The following VPS50 variants were observed in gnomAD, a reference collection of about 807,000 sequenced individuals.
VPS50 encodes the protein VPS50 subunit of EARP/GARPII complex.
VPS50 carries 70 observed loss-of-function variants against 139.7 expected under a neutral mutation model. That is an observed-to-expected ratio of 0.50 (90% CI 0.41 to 0.61). The LOEUF (loss-of-function observed/expected upper bound fraction) is 0.61, where lower values mean the gene tolerates loss of function less well. VPS50 is among the 20% of genes least tolerant of loss of function. VPS50 has a pLI of 0.00. For synonymous variants in VPS50, 365 were observed against 376.7 expected, an observed-to-expected ratio of 0.97 and a Z score of 0.36; for missense variants, 921 against 1,133.7, an observed-to-expected ratio of 0.81 and a Z score of 2.69.
At position 93,271,217 on chromosome 7, in the gene VPS50, T is replaced by C. The variant is rs754289370; in HGVS notation, c.660-3T>C. The stretch of plus-strand genomic sequence containing the variant: ...AAAAAACTGTTTTTTTTTTTTTTAA[T>C]AGTGAACTGAATTCAAAGCTGCAAG... On this transcript the variant is annotated splice_region_variant and splice_polypyrimidine_tract_variant and intron_variant, in intron 9 of 27. Transcript: ENST00000305866. The C allele has an allele frequency of 6.4e-7, 1 of 1,562,648 alleles. No homozygotes were observed. Among genetic ancestry groups the C allele is most frequent in the South Asian group, 1.2e-5 (1 of 81,672 alleles).
At chr7:93,325,685 C>T (rs1222782318) in intron 21 of VPS50, among the ~76,000 whole-genome samples, 1 of 152,038 alleles carries the variant, frequency 6.6e-6, no homozygotes, top group African/African-American at 2.4e-5. Context: ...AGCCAAAAAA[C>T]ACATGAAAAA....
intron 18 of VPS50, 150 bp downstream of exon 18, chr7:93,306,154 T>C (rs2116976036): frequency 3.3e-6 from 2 of 600,998 alleles, no homozygotes; most frequent in Non-Finnish European, 2.9e-6. Flanking sequence ...CATTTATAGA[T>C]GATGACTTTA....
intron 20 of VPS50, among the ~76,000 whole-genome samples, chr7:93,315,384 T>C (rs751570069): frequency 2.6e-5 from 4 of 152,200 alleles, no homozygotes; most frequent in Non-Finnish European, 4.4e-5. Flanking sequence ...TTTGTGTATA[T>C]ACAGATAGAG....
intron 2 of VPS50, 141 bp downstream of exon 2, chr7:93,240,075 T>TA: frequency 1.7e-6 from 1 of 577,272 alleles, no homozygotes; most frequent in Admixed American, 2.9e-5. Context: ...TTTTATTGTA[T>TA]AGTAGGTGTA....
chr7:93,244,030 G>C (rs10488535), intron 2 of VPS50, among the ~76,000 whole-genome samples: 1,985 of 151,624 alleles, frequency 0.013, 106 homozygotes, highest in East Asian at 0.098. Context: ...AATAGTAATG[G>C]GATTCAGCTG....
At chr7:93,316,870 G>GT (rs1797443433) in intron 20 of VPS50, among the ~76,000 whole-genome samples, 1 of 152,214 alleles carries the variant, frequency 6.6e-6, no homozygotes, top group Non-Finnish European at 1.5e-5. Flanking sequence ...CAAAAGGTTA[G>GT]TGGATGAGTT....
rs149844498 is a variant in VPS50 at position 93,342,017 on chromosome 7, C to T, written c.2207+442C>T. On this transcript the variant is annotated intron_variant, in intron 23 of 27. Coordinates refer to ENST00000305866, the MANE Select transcript of VPS50 (RefSeq NM_017667.4). ...AACAGCTCCAGTCTGCAGCTCCCAG[C>T]GTGAACGACACAGAAGACGGGTGAT... Among the ~76,000 whole-genome samples, 180 of 152,296 alleles carry T rather than the reference C, an allele frequency of 1.2e-3. 4 individuals are homozygous for T. In the East Asian group the frequency reaches 0.029, roughly 25 times the overall value.
intron 11 of VPS50, among the ~76,000 whole-genome samples, chr7:93,274,791 C>G (rs1327519126): frequency 2.0e-5 from 3 of 152,090 alleles, no homozygotes; most frequent in Non-Finnish European, 4.4e-5. Flanking sequence ...TGAAAAGCGT[C>G]TGGATTTACC....
chr7:93,294,391 C>G (rs1584437401), intron 13 of VPS50, among the ~76,000 whole-genome samples, 154 bp from the exon 14 acceptor site: 1 of 152,140 alleles, frequency 6.6e-6, no homozygotes, highest in African/African-American at 2.4e-5. Context: ...AGTCTAATAC[C>G]TATTGTTTGA....
At chr7:93,275,265 A>T (rs1290912631) in intron 11 of VPS50, among the ~76,000 whole-genome samples, 1 of 152,200 alleles carries the variant, frequency 6.6e-6, no homozygotes, top group African/African-American at 2.4e-5. Context: ...GTCTGAGAGG[A>T]TTGACTGTAG....
At chr7:93,287,924 G>T (rs1056015802) in intron 12 of VPS50, among the ~76,000 whole-genome samples, 8 of 152,084 alleles carry the variant, frequency 5.3e-5, no homozygotes, top group Non-Finnish European at 1.2e-4. Flanking sequence ...GTATTAGTCT[G>T]TTCTCACGCT....
chr7:93,328,470 C>T (rs918671523), intron 21 of VPS50, among the ~76,000 whole-genome samples: 5 of 151,982 alleles, frequency 3.3e-5, no homozygotes, highest in Admixed American at 6.6e-5. Context: ...CTTCCAATTC[C>T]GGGTATGACA....
intron 20 of VPS50, among the ~76,000 whole-genome samples, chr7:93,316,102 A>G (rs1797420672): frequency 6.6e-6 from 1 of 152,226 alleles, no homozygotes; most frequent in Non-Finnish European, 1.5e-5. Flanking sequence ...AGTTTGAAAG[A>G]TGAATAGGTT....
chr7:93,355,579 A>T (rs1177628835), intron 26 of VPS50, among the ~76,000 whole-genome samples: 2 of 152,186 alleles, frequency 1.3e-5, no homozygotes, highest in South Asian at 4.1e-4. Flanking sequence ...ATTAACTGGA[A>T]TACCAGTTTA....
chr7:93,356,168 A>G, intron 27 of VPS50, 88 bp downstream of exon 27: 1 of 631,068 alleles, frequency 1.6e-6, no homozygotes, highest in Non-Finnish European at 2.6e-6. Context: ...CAAAATCATG[A>G]GAGTGAAATA....
intron 23 of VPS50, among the ~76,000 whole-genome samples, chr7:93,346,753 T>G (rs12669849): frequency 0.49 from 61,129 of 125,862 alleles, 17,647 homozygotes; most frequent in African/African-American, 0.84. Flanking sequence ...AAATGGTGCT[T>G]GGAAAACTGG....
intron 20 of VPS50, among the ~76,000 whole-genome samples, chr7:93,321,863 G>A (rs192687596): frequency 2.1e-3 from 313 of 152,226 alleles, no homozygotes; most frequent in African/African-American, 7.2e-3. Context: ...ACTGAGTAAT[G>A]TAGTATATTA....
intron 12 of VPS50, among the ~76,000 whole-genome samples, chr7:93,281,547 G>T (rs570311756): frequency 1.9e-4 from 29 of 151,958 alleles, no homozygotes; most frequent in African/African-American, 6.8e-4. Flanking sequence ...TTTTGTTTTG[G>T]GTTCTCTATA....
intron 23 of VPS50, among the ~76,000 whole-genome samples, chr7:93,348,273 A>G (rs1442537133): frequency 6.6e-6 from 1 of 152,148 alleles, no homozygotes; most frequent in Non-Finnish European, 1.5e-5. Flanking sequence ...TCTGCTGCCT[A>G]TTAGGAATGT....
Sources: allele counts gnomAD v4.1 joint callset (sites outside exome capture counted in the v4.1 genomes callset), GRCh38; gene constraint gnomAD v4.1.1; transcripts MANE v1.5; gene names NCBI Gene and HGNC (gene_info 2026-07-23, HGNC 2026-07-21).